The following GNAQ variants were observed in gnomAD, a reference collection of about 807,000 sequenced individuals.
GNAQ encodes the protein G protein subunit alpha q.
Under a neutral mutation model 43.9 loss-of-function variants are expected in GNAQ, and 8 were observed. The observed-to-expected ratio is 0.18, with a 90% CI of 0.11 to 0.33. The LOEUF (loss-of-function observed/expected upper bound fraction) is 0.33, where lower values mean the gene tolerates loss of function less well. GNAQ is among the 10% of genes least tolerant of loss of function. GNAQ has a pLI of 1.00. For synonymous variants in GNAQ, 155 were observed against 170.7 expected (o/e 0.91, Z 0.71); for missense variants, 158 against 450.8 (o/e 0.35, Z 5.88).
intron 5 of GNAQ, among the ~76,000 whole-genome samples, chr9:77,755,499 A>AT (rs767646425): frequency 1.3e-5 from 2 of 152,176 alleles, no homozygotes; most frequent in Non-Finnish European, 2.9e-5. Flanking sequence ...TGTACTCATA[A>AT]TTTTTTTAAA....
chr9:77,819,303 G>A (rs938837278), intron 2 of GNAQ, among the ~76,000 whole-genome samples: 12 of 152,070 alleles, frequency 7.9e-5, no homozygotes, highest in Non-Finnish European at 1.2e-4. Flanking sequence ...AGATTCAGTC[G>A]TCATAAAATT....
chr9:77,910,621 T>C (rs1828785158), intron 2 of GNAQ, among the ~76,000 whole-genome samples: 1 of 152,162 alleles, frequency 6.6e-6, no homozygotes, highest in Admixed American at 6.6e-5. Context: ...TCAGTAATGT[T>C]CCTTAGAGTG....
intron 6 of GNAQ, among the ~76,000 whole-genome samples, chr9:77,726,945 T>C (rs949886737): frequency 6.6e-6 from 1 of 152,218 alleles, no homozygotes; most frequent in Admixed American, 6.5e-5. Flanking sequence ...GTCACAATTA[T>C]CCAATTCTGC....
At chr9:77,853,347 A>G (rs1409460185) in intron 2 of GNAQ, among the ~76,000 whole-genome samples, 5 of 152,188 alleles carry the variant, frequency 3.3e-5, no homozygotes, top group African/African-American at 1.2e-4. Context: ...ACAGGGCTAC[A>G]TGAAATGATG....
At chr9:78,006,385 G>C (rs1257510310) in intron 1 of GNAQ, among the ~76,000 whole-genome samples, 1 of 152,056 alleles carries the variant, frequency 6.6e-6, no homozygotes, top group African/African-American at 2.4e-5. Context: ...TGAGACATAG[G>C]ATCAACCAAA....
intron 5 of GNAQ, among the ~76,000 whole-genome samples, chr9:77,793,214 T>C (rs998080730): frequency 1.3e-5 from 2 of 152,288 alleles, no homozygotes; most frequent in South Asian, 4.1e-4. Flanking sequence ...CTTACTGTCA[T>C]ATATTGTAGC....
chr9:77,938,666 C>T (rs776640992), intron 1 of GNAQ, among the ~76,000 whole-genome samples: 14 of 152,156 alleles, frequency 9.2e-5, no homozygotes, highest in Non-Finnish European at 1.3e-4. Context: ...CGGCTTGAAC[C>T]TGGGAATCCG....
At chr9:77,881,125 C>T (rs1395112066) in intron 2 of GNAQ, among the ~76,000 whole-genome samples, 1 of 152,156 alleles carries the variant, frequency 6.6e-6, no homozygotes, top group Non-Finnish European at 1.5e-5. Context: ...CCTGACACTA[C>T]TATCTATTTT....
chr9:77,787,244 C>T (rs534751931), intron 5 of GNAQ, among the ~76,000 whole-genome samples: 10 of 152,108 alleles, frequency 6.6e-5, no homozygotes, highest in South Asian at 2.1e-4. Flanking sequence ...CTGAAAAGAA[C>T]GGGGAGGGGA....
chr9:77,735,627 T>C (rs2378081), intron 5 of GNAQ, among the ~76,000 whole-genome samples: 88,093 of 152,132 alleles, frequency 0.58, 27,954 homozygotes, highest in Non-Finnish European at 0.72. Flanking sequence ...TCCTATCTGA[T>C]GTCAACGCTT....
intron 2 of GNAQ, among the ~76,000 whole-genome samples, chr9:77,919,567 G>A (rs537992134): frequency 7.2e-5 from 11 of 152,264 alleles, no homozygotes; most frequent in African/African-American, 2.4e-4. Context: ...AAGGCAACAA[G>A]TGGGCAGAGT....
chr9:77,968,770 A>G (rs943779006), intron 1 of GNAQ, among the ~76,000 whole-genome samples: 2 of 152,244 alleles, frequency 1.3e-5, no homozygotes, highest in Non-Finnish European at 2.9e-5. Context: ...CAGAGACACA[A>G]TTATGCCGGG....
intron 5 of GNAQ, among the ~76,000 whole-genome samples, chr9:77,779,809 T>G (rs888387094): frequency 1.3e-5 from 2 of 151,690 alleles, no homozygotes; most frequent in African/African-American, 4.8e-5. Flanking sequence ...TGCCCAAAAT[T>G]TGACAACCTA....
chr9:77,927,062 T>C (rs1399444036), intron 1 of GNAQ, among the ~76,000 whole-genome samples: 1 of 152,166 alleles, frequency 6.6e-6, no homozygotes, highest in East Asian at 1.9e-4. Context: ...TACATCACAT[T>C]AGACACACAC....
chr9:77,758,889 A>G (rs1825945457), intron 5 of GNAQ, among the ~76,000 whole-genome samples: 1 of 152,200 alleles, frequency 6.6e-6, no homozygotes, highest in Admixed American at 6.5e-5. Context: ...CAAATAACAT[A>G]TATATTTAAA....
chr9:77,848,915 A>T (rs757570804), intron 2 of GNAQ, among the ~76,000 whole-genome samples: 3 of 152,234 alleles, frequency 2.0e-5, no homozygotes, highest in Non-Finnish European at 4.4e-5. Context: ...TGCAATACTA[A>T]GTTAGAGAAG....
At position 77,800,644 on chromosome 9, in the gene GNAQ, T is replaced by C. The variant is rs558446145; in HGVS notation, c.477-2996A>G. On this transcript the variant is annotated intron_variant, in intron 3 of 6. Coordinates refer to ENST00000286548, the MANE Select transcript of GNAQ (RefSeq NM_002072.5). ...AGTTAGTGGGTGCAGCGCACCAGCA[T>C]GGCACATGTATACATATGTAACTAA... Among the ~76,000 whole-genome samples, 4 of 152,276 alleles carry C rather than the reference T, an allele frequency of 2.6e-5. No homozygotes were observed. In the East Asian group the frequency reaches 5.8e-4, roughly 22 times the overall value.
intron 2 of GNAQ, among the ~76,000 whole-genome samples, chr9:77,891,012 A>G (rs912161996): frequency 2.6e-5 from 4 of 152,214 alleles, no homozygotes; most frequent in African/African-American, 9.7e-5. Context: ...GTATAGCAAG[A>G]GAGTGTTTTA....
At chr9:77,904,819 T>G (rs1428550722) in intron 2 of GNAQ, among the ~76,000 whole-genome samples, 1 of 152,136 alleles carries the variant, frequency 6.6e-6, no homozygotes, top group Non-Finnish European at 1.5e-5. Context: ...TTGTATAAAT[T>G]GGTCAGAACA....
Sources: gnomAD v4.1 joint callset for allele counts (sites outside exome capture counted in the v4.1 genomes callset) on GRCh38, gnomAD v4.1.1 for gene constraint, MANE v1.5 for transcripts, NCBI Gene and HGNC (gene_info 2026-07-23, HGNC 2026-07-21) for gene names.